Variants in HM13 observed in about 807,000 individuals in gnomAD.
HM13 encodes histocompatibility minor 13.
In HM13, 18 loss-of-function variants were observed where a neutral mutation model predicts 50.0. The observed-to-expected ratio is 0.36, with a 90% confidence interval of 0.25 to 0.53. The LOEUF (loss-of-function observed/expected upper bound fraction) is 0.53, where lower values mean the gene tolerates loss of function less well. Ranked by LOEUF, HM13 falls within the 20% of genes least tolerant of loss-of-function variation. HM13 has a pLI of 0.90. For synonymous variants in HM13, 197 were observed against 232.6 expected (o/e 0.85, Z 1.39); for missense variants, 393 against 552.4 (o/e 0.71, Z 2.89).
At chr20:31,515,835 C>T (rs1400507039) in intron 1 of HM13, among the ~76,000 whole-genome samples, 2 of 152,188 alleles carry the variant, frequency 1.3e-5, no homozygotes, top group Non-Finnish European at 2.9e-5. Context: ...TAATCTGCAC[C>T]TTCCCGATGC....
At chr20:31,546,912 G>A (rs1481515382) in intron 4 of HM13, among the ~76,000 whole-genome samples, 5 of 152,120 alleles carry the variant, frequency 3.3e-5, no homozygotes, top group African/African-American at 1.2e-4. Flanking sequence ...GACAGAGCAA[G>A]ACCCCGTCTA....
intron 3 of HM13, chr20:31,541,865 T>C (rs781343131): frequency 6.6e-6 from 1 of 152,166 alleles, no homozygotes; most frequent in Non-Finnish European, 1.5e-5. Context: ...GACAGGGAAA[T>C]TGGGCTCAGA....
At position 31,532,393 on chromosome 20, in the gene HM13, C is replaced by G. The variant is rs982689049; in HGVS notation, c.282+4811C>G. Among the ~76,000 whole-genome samples, 6 of 152,218 alleles carry G rather than the reference C, an allele frequency of 3.9e-5. No homozygotes were observed. The East Asian group carries it at 1.2e-3, about 29-fold the overall frequency. On this transcript the variant is annotated intron_variant, in intron 2 of 12. Transcript: ENST00000398174. Reference sequence around the variant, plus strand: ...TGAGCCGAGATCGTGCCCCTGCACTCCAGCCTGGTGACAGAGAGAGACTCC... The same window carrying G: ...TGAGCCGAGATCGTGCCCCTGCACTGCAGCCTGGTGACAGAGAGAGACTCC...
At chr20:31,549,803 T>G (rs1257379014) in intron 6 of HM13, among the ~76,000 whole-genome samples, 2 of 152,154 alleles carry the variant, frequency 1.3e-5, no homozygotes, top group Non-Finnish European at 2.9e-5. Context: ...ACTTTATCAC[T>G]TGGGAGGAAC....
Position 31,554,756 on chromosome 20 carries a change from C to T in HM13, c.735C>T (p.Pro245=). The T allele has an allele frequency of 1.2e-6, 2 of 1,614,026 alleles. No homozygotes were observed. The highest frequency in any genetic ancestry group is 1.7e-6 in the Non-Finnish European group (2 of 1,179,946). Residue 245 remains proline (P), a synonymous_variant, in exon 8 of 13, where the codon CCC becomes CCT. Coordinates refer to ENST00000398174, the MANE Select transcript of HM13 (RefSeq NM_178581.3). ...CGCCTCCCGCTTCAGTGGTGTTTCC[C>T]CAGGATCTGCTGGAGAAAGGCCTCG... ...SFEAPIKLVF[P]QDLLEKGLEA... is the part of the protein sequence containing the mutation.
At chr20:31,566,573 T>G (rs1270130399) in intron 11 of HM13, among the ~76,000 whole-genome samples, 1 of 152,040 alleles carries the variant, frequency 6.6e-6, no homozygotes, top group Non-Finnish European at 1.5e-5. Flanking sequence ...CTGTTGTGGA[T>G]TTTTCTCTGC....
chr20:31,534,089 A>G (rs1472175967), intron 2 of HM13, among the ~76,000 whole-genome samples: 1 of 126,300 alleles, frequency 7.9e-6, no homozygotes, highest in Non-Finnish European at 1.5e-5. Flanking sequence ...CATGTTGCCT[A>G]TGCTTCTTGA....
At chr20:31,549,443 C>G in intron 6 of HM13, 111 bp downstream of exon 6, 1 of 1,434,032 alleles carries the variant, frequency 7.0e-7, no homozygotes, top group Non-Finnish European at 9.6e-7. Flanking sequence ...CTGTTTTGGG[C>G]TGAAGTTCCG....
chr20:31,540,500 T>C (rs1983382357), intron 3 of HM13: 1 of 152,208 alleles, frequency 6.6e-6, no homozygotes, highest in Admixed American at 6.5e-5. Context: ...TGAAAGCCAC[T>C]GTTAGGCTGT....
At position 31,548,242 on chromosome 20, in the gene HM13, A is replaced by G. The variant is rs544838479; in HGVS notation, c.455-787A>G. ...AAAACAAATTAGGGGACAAGCAGCA[A>G]GCAGTCTGCTAACACTCTGGAATGT... On this transcript the variant is annotated intron_variant, in intron 4 of 12. Transcript: ENST00000398174. The G allele has an allele frequency of 1.3e-5, 7 of 550,984 alleles. No individual in the cohort carries two copies. The South Asian group carries it at 1.4e-4, about 11-fold the overall frequency. The allele number at this position is 550,984 out of a possible 1,614,324, so 34.1% of individuals were successfully genotyped here.
At chr20:31,529,391 G>T (rs1279117058) in intron 2 of HM13, among the ~76,000 whole-genome samples, 1 of 151,490 alleles carries the variant, frequency 6.6e-6, no homozygotes, top group East Asian at 2.0e-4. Flanking sequence ...ACTACAAGGC[G>T]TGCACCACCA....
rs548917995 is a variant in HM13, at chr20:31,557,310, A to C, written c.809-2301A>C. ...AGGGCACGGTCTGTCATTCACCCAC[A>C]CAAACTTCCCCTGTGTCCTTGTCAT... On this transcript the variant is annotated intron_variant, in intron 8 of 12. Transcript: ENST00000398174. Among the ~76,000 whole-genome samples, 230 of 152,354 alleles carry C rather than the reference A, an allele frequency of 1.5e-3. 1 individual carries two copies. Among genetic ancestry groups the C allele is most frequent in the African/African-American group, 5.4e-3 (223 of 41,584 alleles).
At chr20:31,518,982 T>C (rs1168413569) in intron 1 of HM13, among the ~76,000 whole-genome samples, 1 of 152,176 alleles carries the variant, frequency 6.6e-6, no homozygotes, top group Non-Finnish European at 1.5e-5. Flanking sequence ...GTCTCCCTGC[T>C]ACCCCAAGCT....
chr20:31,568,372 G>A, intron 12 of HM13, 148 bp downstream of exon 12: 1 of 1,182,528 alleles, frequency 8.5e-7, no homozygotes, highest in African/African-American at 1.5e-5. Flanking sequence ...ACCAGGCAGT[G>A]GTTGCACCGA....
At chr20:31,548,293 TC>T (rs1315981711) in intron 4 of HM13, 3 of 415,486 alleles carry the variant, frequency 7.2e-6, no homozygotes, top group African/African-American at 4.0e-5. Context: ...ACTCTGTGAC[TC>T]CCGGCAAACT....
At chr20:31,543,751 G>GA (rs939624148) in intron 3 of HM13, among the ~76,000 whole-genome samples, 2 of 151,814 alleles carry the variant, frequency 1.3e-5, no homozygotes, top group African/African-American at 4.8e-5. Context: ...CTAACACAGT[G>GA]AAACCCCTTC....
intron 7 of HM13, 39 bp from the exon 8 acceptor site, chr20:31,554,707 G>C: frequency 6.4e-7 from 1 of 1,559,286 alleles, no homozygotes; most frequent in Non-Finnish European, 8.8e-7. Flanking sequence ...TGTAAACTGG[G>C]CTCCAGCTGA....
intron 7 of HM13, among the ~76,000 whole-genome samples, chr20:31,554,369 C>T: frequency 7.4e-6 from 1 of 135,830 alleles, no homozygotes; most frequent in Non-Finnish European, 1.5e-5. Context: ...ATAGAGCAAG[C>T]CCCGTCTCAA....
At chr20:31,521,248 T>G (rs115959613) in intron 1 of HM13, among the ~76,000 whole-genome samples, 1,700 of 152,288 alleles carry the variant, frequency 0.011, 28 homozygotes, top group African/African-American at 0.039. Flanking sequence ...GTTAAAACTT[T>G]CCAACCGAAA....
Sources: gnomAD v4.1 joint callset for allele counts (sites outside exome capture counted in the v4.1 genomes callset) on GRCh38, gnomAD v4.1.1 for gene constraint, MANE v1.5 for transcripts, NCBI Gene and HGNC (gene_info 2026-07-23, HGNC 2026-07-21) for gene names.